UBE2G2: variants seen among roughly 807,000 people sequenced by gnomAD.
UBE2G2 encodes ubiquitin conjugating enzyme E2 G2.
In UBE2G2, 10 loss-of-function variants were observed where a neutral mutation model predicts 23.0. The observed-to-expected ratio is 0.43, with a 90% CI of 0.27 to 0.74. UBE2G2 has a LOEUF of 0.74. Among genes scored for constraint, UBE2G2 ranks in the 30% least tolerant of loss-of-function variants. UBE2G2 has a pLI of 0.19. For missense variants in UBE2G2, 150 were observed against 218.3 expected (o/e 0.69, Z 1.97); for synonymous variants, 86 against 81.3 (o/e 1.06, Z -0.31).
intron 2 of UBE2G2, 22 bp from the exon 3 acceptor site, chr21:44,787,987 CACA>C (rs781991421): frequency 1.2e-5 from 19 of 1,612,252 alleles, no homozygotes; most frequent in Non-Finnish European, 1.5e-5. Flanking sequence ...GAAAAAATTT[CACA>C]ACATTTTAAC....
intron 1 of UBE2G2, among the ~76,000 whole-genome samples, chr21:44,798,150 T>C (rs1422555425): frequency 6.6e-6 from 1 of 152,216 alleles, no homozygotes; most frequent in African/African-American, 2.4e-5. Context: ...AGCAAGACCC[T>C]GTCTCAAAAA....
intron 1 of UBE2G2, among the ~76,000 whole-genome samples, chr21:44,795,276 A>AT (rs2083077681): frequency 6.6e-6 from 1 of 152,052 alleles, no homozygotes; most frequent in Non-Finnish European, 1.5e-5. Context: ...AAAAATAAAA[A>AT]AAAATAAATA....
intron 1 of UBE2G2, among the ~76,000 whole-genome samples, chr21:44,793,807 C>T (rs540306186): frequency 9.2e-5 from 14 of 152,236 alleles, no homozygotes; most frequent in African/African-American, 2.9e-4. Flanking sequence ...CCACAGATAA[C>T]ATTGGTGAAG....
intron 3 of UBE2G2, among the ~76,000 whole-genome samples, chr21:44,781,418 C>G (rs1555961322): frequency 6.6e-6 from 1 of 152,238 alleles, no homozygotes; most frequent in East Asian, 1.9e-4. Context: ...TCCCACCCCA[C>G]TAATGCCCAG....
At chr21:44,787,630 G>A (rs782649844) in intron 3 of UBE2G2, among the ~76,000 whole-genome samples, 1 of 152,164 alleles carries the variant, frequency 6.6e-6, no homozygotes, top group Admixed American at 6.5e-5. Context: ...TTTTAACCAC[G>A]ATCATACAAC....
At chr21:44,781,945 C>G (rs1227364152) in intron 3 of UBE2G2, among the ~76,000 whole-genome samples, 1 of 152,126 alleles carries the variant, frequency 6.6e-6, no homozygotes, top group Non-Finnish European at 1.5e-5. Flanking sequence ...ATAGATGTTT[C>G]TTAAAATTTT....
Position 44,780,546 on chromosome 21 carries a change from C to T in UBE2G2, c.126-3129G>A, listed in dbSNP as rs148403348. 2.9e-3 allele frequency among the ~76,000 whole-genome samples: 443 copies of T among 152,318 alleles called. 5 individuals carry two copies. The highest frequency in any genetic ancestry group is 9.0e-3 in the African/African-American group (376 of 41,568). ...ATTGAAATCATGACCTAAACTCTTT[C>T]GGAGCTGAGCTAAGGACAAGCATTA... On this transcript the variant is annotated intron_variant, in intron 3 of 5. Coordinates refer to ENST00000345496, the MANE Select transcript of UBE2G2 (RefSeq NM_003343.6).
chr21:44,773,359 C>A (rs567829417), intron 5 of UBE2G2, among the ~76,000 whole-genome samples, 188 bp downstream of exon 5: 120 of 152,266 alleles, frequency 7.9e-4, no homozygotes, highest in Non-Finnish European at 1.3e-3. Flanking sequence ...AATATACAAC[C>A]CCAGGCTATG....
At chr21:44,779,674 C>T (rs567867537) in intron 3 of UBE2G2, among the ~76,000 whole-genome samples, 10 of 152,324 alleles carry the variant, frequency 6.6e-5, no homozygotes, top group African/African-American at 2.4e-4. Flanking sequence ...GTGGCCACCC[C>T]GAGCCTCCTG....
intron 1 of UBE2G2, among the ~76,000 whole-genome samples, chr21:44,792,399 T>C (rs2083052467): frequency 6.6e-6 from 1 of 152,034 alleles, no homozygotes; most frequent in Non-Finnish European, 1.5e-5. Context: ...TGGTAGGAGG[T>C]GACTGGATCA....
Position 44,801,740 on chromosome 21 carries a change from C to A in UBE2G2, c.9G>T (p.Gly3=), listed in dbSNP as rs781840332. The change falls in exon 1 of 6, where the codon GGG becomes GGT. Residue 3 remains glycine, a synonymous_variant. Coordinates refer to ENST00000345496, the MANE Select transcript of UBE2G2 (RefSeq NM_003343.6). MA[G]TALKRLMAEY... is the part of the protein sequence containing the mutation. ...CGGCCATCAGCCTCTTGAGCGCGGTCCCCGCCATGGCCCCGCAACAGCTGC... is the reference window on the plus strand; with the variant it reads ...CGGCCATCAGCCTCTTGAGCGCGGTACCCGCCATGGCCCCGCAACAGCTGC... The A allele has an allele frequency of 1.3e-6, 2 of 1,520,758 alleles. No individual in the cohort carries two copies. The highest frequency in any genetic ancestry group is 1.8e-6 in the Non-Finnish European group (2 of 1,136,266). 94.2% of individuals were successfully genotyped at this position (1,520,758 alleles called of 1,614,324 possible). A position where few individuals can be genotyped will look rare whatever the true frequency, so the allele number is the denominator to read the frequency against.
chr21:44,773,458 G>A, intron 5 of UBE2G2, 89 bp downstream of exon 5: 1 of 1,463,490 alleles, frequency 6.8e-7, no homozygotes. Context: ...TGAGGAAAAG[G>A]ACATTCTAAA....
Position 44,769,822 on chromosome 21 carries a change from G to C in UBE2G2, c.*1555C>G, listed in dbSNP as rs1201028584. 2 of 152,294 alleles carry C rather than the reference G, an allele frequency of 1.3e-5. No homozygotes were observed. The highest frequency in any genetic ancestry group is 4.8e-5 in the African/African-American group (2 of 41,460). 9.4% of individuals were successfully genotyped at this position (152,294 alleles called of 1,614,324 possible). A position where few individuals can be genotyped will look rare whatever the true frequency, so the allele number is the denominator to read the frequency against. ...ACAGACCACGATCCATTATGGAAGG[G>C]AGGGAGAAAAGGATCACATCAAATC... On this transcript the variant is annotated 3_prime_UTR_variant, in exon 6 of 6. Coordinates refer to ENST00000345496, the MANE Select transcript of UBE2G2 (RefSeq NM_003343.6).
intron 1 of UBE2G2, among the ~76,000 whole-genome samples, chr21:44,791,068 G>C: frequency 6.6e-6 from 1 of 152,196 alleles, no homozygotes. Flanking sequence ...TTTCAACAAA[G>C]AGAATGGTGA....
rs558739692 is a variant in UBE2G2 at position 44,801,703 on chromosome 21, C to T, written c.43+3G>A. The T allele has an allele frequency of 3.3e-5, 50 of 1,517,224 alleles. No individual in the cohort carries two copies. The South Asian group carries it at 6.1e-4, about 18-fold the overall frequency. The allele number at this position is 1,517,224 out of a possible 1,614,324, so 94.0% of individuals were successfully genotyped here. A position where few individuals can be genotyped will look rare whatever the true frequency, so the allele number is the denominator to read the frequency against. On this transcript the variant is annotated splice_donor_region_variant and intron_variant, in intron 1 of 5. Coordinates refer to ENST00000345496, the MANE Select transcript of UBE2G2 (RefSeq NM_003343.6). The stretch of plus-strand genomic sequence containing the variant: ...TGCTGACGGCCCGGGTCCCCAGACT[C>T]ACGTTTGTACTCGGCCATCAGCCTC...
At position 44,800,776 on chromosome 21, in the gene UBE2G2, T is replaced by G. The variant is rs1601203614; in HGVS notation, c.43+930A>C. 2.6e-5 allele frequency: 4 copies of G among 152,360 alleles called. No homozygotes were observed. The South Asian group carries it at 8.3e-4, about 32-fold the overall frequency. 9.4% of individuals were successfully genotyped at this position (152,360 alleles called of 1,614,324 possible). ...TTATTTTTTTTCTCACATTCATTCT[T>G]TTAGCTTAACTTTCTTCCAAAATTA... On this transcript the variant is annotated intron_variant, in intron 1 of 5. Transcript: ENST00000345496.
intron 3 of UBE2G2, among the ~76,000 whole-genome samples, chr21:44,786,571 T>C (rs1481753136): frequency 6.6e-6 from 1 of 152,204 alleles, no homozygotes; most frequent in African/African-American, 2.4e-5. Context: ...AGACAACACT[T>C]AGCTGCAATC....
intron 1 of UBE2G2, among the ~76,000 whole-genome samples, chr21:44,798,319 G>A (rs2083109836): frequency 6.6e-6 from 1 of 152,206 alleles, no homozygotes; most frequent in South Asian, 2.1e-4. Context: ...GGTAGTTGCT[G>A]AAGGCAGGAG....
intron 3 of UBE2G2, among the ~76,000 whole-genome samples, chr21:44,781,557 C>T (rs765664492): frequency 6.6e-5 from 10 of 152,214 alleles, no homozygotes; most frequent in Non-Finnish European, 1.5e-4. Flanking sequence ...TAAATAGAAA[C>T]TGATCCCAAT....
Sources: allele counts gnomAD v4.1 joint callset (sites outside exome capture counted in the v4.1 genomes callset), GRCh38; gene constraint gnomAD v4.1.1; transcripts MANE v1.5; gene names NCBI Gene and HGNC (gene_info 2026-07-23, HGNC 2026-07-21).